Variants in CSMD3 observed in about 807,000 individuals in gnomAD.
CSMD3 encodes CUB and sushi domain-containing protein 3.
A neutral mutation model predicts 435.2 loss-of-function variants in CSMD3; 177 were observed. The ratio of observed to expected loss-of-function variants is 0.41; its 90% confidence interval spans 0.36 to 0.46. CSMD3 has a LOEUF of 0.46. Ranked by LOEUF, CSMD3 falls within the 20% of genes least tolerant of loss-of-function variation. The pLI, the probability that CSMD3 is intolerant of heterozygous loss-of-function variation, is 0.34. For synonymous variants in CSMD3, 1,656 were observed against 1,520.5 expected, an observed-to-expected ratio of 1.09 and a Z score of -2.07; for missense variants, 4,265 against 4,504.6, an observed-to-expected ratio of 0.95 and a Z score of 1.52.
At chr8:112,320,899 A>G (rs1368248288) in intron 45 of CSMD3, among the ~76,000 whole-genome samples, 5 of 152,088 alleles carry the variant, frequency 3.3e-5, no homozygotes, top group Non-Finnish European at 5.9e-5. Context: ...TGTTTATCAA[A>G]TGTCATGTTT....
intron 4 of CSMD3, among the ~76,000 whole-genome samples, chr8:113,102,191 A>C (rs967981540): frequency 2.0e-5 from 3 of 152,144 alleles, no homozygotes; most frequent in South Asian, 4.1e-4. Context: ...GGCTTGCTTG[A>C]TTAATAAATG....
chr8:112,697,768 A>G (rs542121378), intron 13 of CSMD3, among the ~76,000 whole-genome samples: 7 of 152,142 alleles, frequency 4.6e-5, no homozygotes, highest in Non-Finnish European at 1.0e-4. Context: ...AAAGACAAAT[A>G]AAATGTAGCC....
intron 11 of CSMD3, among the ~76,000 whole-genome samples, chr8:112,857,980 C>G (rs1407025955): frequency 6.6e-6 from 1 of 151,428 alleles, no homozygotes; most frequent in Non-Finnish European, 1.5e-5. Flanking sequence ...AGAAATTTAC[C>G]CAAGTTTATA....
chr8:113,295,280 C>T (rs17681667), intron 2 of CSMD3, among the ~76,000 whole-genome samples: 15,843 of 152,080 alleles, frequency 0.1, 965 homozygotes, highest in Middle Eastern at 0.17. Context: ...TTGCTCAATC[C>T]TGTTTGTTTA....
chr8:112,855,271 T>C (rs2080614656), intron 11 of CSMD3, among the ~76,000 whole-genome samples: 1 of 152,134 alleles, frequency 6.6e-6, no homozygotes, highest in South Asian at 2.1e-4. Context: ...GAAACTGTAC[T>C]TTCTCCTACA....
intron 1 of CSMD3, among the ~76,000 whole-genome samples, chr8:113,317,946 T>G (rs2093922112): frequency 6.6e-6 from 1 of 152,216 alleles, no homozygotes. Context: ...CAGCATATAG[T>G]ACGCCTATAG....
intron 6 of CSMD3, among the ~76,000 whole-genome samples, chr8:113,015,644 A>T (rs916718041): frequency 1.3e-5 from 2 of 151,860 alleles, no homozygotes; most frequent in Non-Finnish European, 2.9e-5. Context: ...CTGAATGTTG[A>T]ATAATTTTAA....
Position 113,312,215 on chromosome 8 carries a change from C to T in CSMD3, c.401+2356G>A, listed in dbSNP as rs376650577. On this transcript the variant is annotated intron_variant, in intron 2 of 70. Transcript: ENST00000297405. ...TTTTGCCACTTTCAAAAATTTTACT[C>T]GGGCAATCAATTCAAGCCTCATTTT... 13 of 152,070 alleles carry T rather than the reference C, an allele frequency of 8.5e-5. 1 individual carries two copies. In the East Asian group the frequency reaches 2.5e-3, roughly 29 times the overall value. 9.4% of individuals were successfully genotyped at this position (152,070 alleles called of 1,614,324 possible).
At chr8:112,930,839 T>C (rs1470943681) in intron 9 of CSMD3, among the ~76,000 whole-genome samples, 3 of 152,090 alleles carry the variant, frequency 2.0e-5, no homozygotes, top group African/African-American at 7.2e-5. Context: ...AAGGACCAGT[T>C]AGATTAAACA....
intron 12 of CSMD3, among the ~76,000 whole-genome samples, chr8:112,814,290 T>C (rs2079310100): frequency 6.6e-6 from 1 of 152,158 alleles, no homozygotes; most frequent in Non-Finnish European, 1.5e-5. Context: ...ATTTAAATGA[T>C]CTTTGGAGAC....
At chr8:113,252,643 A>G (rs905229043) in intron 3 of CSMD3, among the ~76,000 whole-genome samples, 2 of 152,012 alleles carry the variant, frequency 1.3e-5, no homozygotes, top group African/African-American at 4.8e-5. Flanking sequence ...TGACAAATCA[A>G]TTTTTTTATA....
At position 112,416,167 on chromosome 8, in the gene CSMD3, G is replaced by C. The variant is rs540895393; in HGVS notation, c.5396-7135C>G. On this transcript the variant is annotated intron_variant, in intron 32 of 70. Coordinates refer to ENST00000297405, the MANE Select transcript of CSMD3 (RefSeq NM_198123.2). ...GTTCCCATAATTTCCATGTGTACTG[G>C]GAAGGACCCAGTGAGAGGTAACTGA... Among the ~76,000 whole-genome samples, 7 of 152,240 alleles carry C rather than the reference G, an allele frequency of 4.6e-5. No homozygotes were observed. In the South Asian group the frequency reaches 1.4e-3, roughly 32 times the overall value.
intron 7 of CSMD3, among the ~76,000 whole-genome samples, chr8:112,960,119 T>C (rs1386706061): frequency 6.6e-6 from 1 of 151,754 alleles, no homozygotes; most frequent in Non-Finnish European, 1.5e-5. Context: ...AAAGATGACT[T>C]TTTTTTGTTT....
Position 112,550,286 on chromosome 8 carries a change from T to C in CSMD3, c.4564+385A>G, listed in dbSNP as rs534508040. ...TTTAAAAAACAGGAAAAATGTAGGG[T>C]TGTATTTTTTGTAATAGCAAGTAGT... On this transcript the variant is annotated intron_variant, in intron 27 of 70. Coordinates refer to ENST00000297405, the MANE Select transcript of CSMD3 (RefSeq NM_198123.2). 2.2e-4 allele frequency among the ~76,000 whole-genome samples: 33 copies of C among 151,602 alleles called. 2 individuals carry two copies. The South Asian group carries it at 6.2e-3, about 29-fold the overall frequency.
intron 38 of CSMD3, among the ~76,000 whole-genome samples, chr8:112,355,709 T>C (rs1361215566): frequency 1.3e-5 from 2 of 152,002 alleles, no homozygotes; most frequent in Non-Finnish European, 2.9e-5. Context: ...GGCAGGTGCC[T>C]GTAGTCCCAG....
intron 13 of CSMD3, among the ~76,000 whole-genome samples, chr8:112,768,186 T>C (rs958137461): frequency 7.3e-5 from 11 of 151,456 alleles, no homozygotes; most frequent in Non-Finnish European, 1.2e-4. Flanking sequence ...AAATAAACAG[T>C]ATATGCATAA....
chr8:112,695,234 A>G (rs2076225216), intron 13 of CSMD3, among the ~76,000 whole-genome samples: 1 of 152,198 alleles, frequency 6.6e-6, no homozygotes, highest in Non-Finnish European at 1.5e-5. Context: ...AAGATGTATA[A>G]TTCCACACAG....
Position 112,975,854 on chromosome 8 carries a change from G to C in CSMD3, c.1325C>G (p.Ala442Gly), listed in dbSNP as rs2130931584. ...AEQIERTKEL[A>G]VVTHRVKKAI... ...TCCAATACCTCTATGAGTAACAACT[G>C]CAAGCTCTTTAGTTCTTTCTATCTG... Residue 442 changes from alanine (A) to glycine (G), a missense_variant, in exon 7 of 71, where the codon GCA (alanine) becomes GGA (glycine). Coordinates refer to ENST00000297405, the MANE Select transcript of CSMD3 (RefSeq NM_198123.2). 1 of 1,613,356 alleles carries C rather than the reference G, an allele frequency of 6.2e-7. No homozygotes were observed. The highest frequency in any genetic ancestry group is 1.1e-5 in the South Asian group (1 of 91,060).
intron 10 of CSMD3, among the ~76,000 whole-genome samples, chr8:112,909,049 A>T (rs2130514742): frequency 6.6e-6 from 1 of 151,526 alleles, no homozygotes; most frequent in East Asian, 1.9e-4. Context: ...CTCAGAATTT[A>T]GTAGAAATAT....
Sources: gnomAD v4.1 joint callset for allele counts (sites outside exome capture counted in the v4.1 genomes callset) on GRCh38, gnomAD v4.1.1 for gene constraint, MANE v1.5 for transcripts, NCBI Gene and HGNC (gene_info 2026-07-23, HGNC 2026-07-21) for gene names.